The following ZCCHC2 variants were observed in gnomAD, a reference collection of about 807,000 sequenced individuals.
The protein encoded by ZCCHC2 is zinc finger CCHC-type containing 2, also known as zinc finger CCHC domain-containing protein 2.
Under a neutral mutation model 103.6 loss-of-function variants are expected in ZCCHC2, and 39 were observed. That is an observed-to-expected ratio of 0.38 (90% CI 0.29 to 0.49). The LOEUF is 0.49. Among genes scored for constraint, ZCCHC2 ranks in the 20% least tolerant of loss-of-function variants. The probability of loss-of-function intolerance (pLI) is 0.96; values close to 1 mark genes in which losing one functional copy is unlikely to be tolerated. For synonymous variants in ZCCHC2, 687 were observed against 608.9 expected, an observed-to-expected ratio of 1.13 and a Z score of -1.89; for missense variants, 1,483 against 1,491.0, an observed-to-expected ratio of 0.99 and a Z score of 0.09.
intron 8 of ZCCHC2, among the ~76,000 whole-genome samples, chr18:62,561,282 A>T (rs1916104576): frequency 6.6e-6 from 1 of 152,174 alleles, no homozygotes; most frequent in Non-Finnish European, 1.5e-5. Context: ...GTGGACTTCT[A>T]ATTGGGCAGT....
At position 62,574,588 on chromosome 18, in the gene ZCCHC2, C is replaced by T; in HGVS notation, c.2507C>T (p.Pro836Leu). 6.2e-7 allele frequency: 1 copy of T among 1,613,994 alleles called. No homozygotes were observed. Among genetic ancestry groups the T allele is most frequent in the Non-Finnish European group, 8.5e-7 (1 of 1,179,892 alleles). The change falls in exon 13 of 14, where the codon CCC becomes CTC. Residue 836 changes from proline (P) to leucine (L), a missense_variant. Around this residue, in one of 3 missense-constraint regions of ZCCHC2, gnomAD observed 884 missense variants for 907.5 expected, o/e 0.97. Transcript: ENST00000269499. Reference sequence around the variant, plus strand: ...ACAGTTAACATCCCACAACAACCACCCGGAAGCCTGAGCATCGCATCACCA... The same window carrying T: ...ACAGTTAACATCCCACAACAACCACTCGGAAGCCTGAGCATCGCATCACCA... ...SCTVNIPQQP[P>L]GSLSIASPNT... is the part of the protein sequence containing the mutation.
chr18:62,572,554 A>G (rs1439445187), intron 12 of ZCCHC2, among the ~76,000 whole-genome samples: 4 of 152,178 alleles, frequency 2.6e-5, no homozygotes, highest in Admixed American at 6.5e-5. Flanking sequence ...TTCTGAGTGG[A>G]TGAAAAGTCT....
At chr18:62,561,692 T>C (rs1245575130) in intron 8 of ZCCHC2, among the ~76,000 whole-genome samples, 1 of 152,228 alleles carries the variant, frequency 6.6e-6, no homozygotes, top group Non-Finnish European at 1.5e-5. Context: ...GACTCTGATT[T>C]TGAGAGGAAC....
At chr18:62,562,634 T>C (rs555375466) in intron 8 of ZCCHC2, among the ~76,000 whole-genome samples, 2 of 152,340 alleles carry the variant, frequency 1.3e-5, no homozygotes, top group African/African-American at 4.8e-5. Flanking sequence ...TCTGTTTCTT[T>C]TGGTTTTTGA....
chr18:62,585,063 C>G (rs73963461), exon 15 of ZCCHC2: 26,122 of 152,260 alleles, frequency 0.17, 3,546 homozygotes, highest in African/African-American at 0.38. Context: ...CACATCCTAT[C>G]CCATAGCGAG....
chr18:62,550,464 A>T lies in ZCCHC2; in HGVS notation c.1313+4A>T. 2.5e-6 allele frequency: 4 copies of T among 1,609,006 alleles called. No individual in the cohort carries two copies. The highest frequency in any genetic ancestry group is 3.4e-6 in the Non-Finnish European group (4 of 1,176,528). On this transcript the variant is annotated splice_donor_region_variant and intron_variant, in intron 5 of 13. Coordinates refer to ENST00000269499, the MANE Select transcript of ZCCHC2 (RefSeq NM_017742.6). ...CTGACCTAGAGCCCATCCTAAGGTA[A>T]TGATTTACCTGACGCCTATCATAGC... is the stretch of plus-strand genomic sequence containing the variant.
intron 4 of ZCCHC2, among the ~76,000 whole-genome samples, chr18:62,546,911 TCAGTTACA>T (rs1292318370): frequency 1.3e-5 from 2 of 152,264 alleles, no homozygotes; most frequent in Admixed American, 1.3e-4. Flanking sequence ...TAAATGCCTC[TCAGTTACA>T]TGAAATAATC....
chr18:62,523,582 C>G lies in ZCCHC2; in HGVS notation c.158C>G (p.Pro53Arg). 1.0e-6 allele frequency: 1 copy of G among 967,598 alleles called. No individual in the cohort carries two copies. Among genetic ancestry groups the G allele is most frequent in the Non-Finnish European group, 1.2e-6 (1 of 817,348 alleles). The allele number at this position is 967,598 out of a possible 1,614,324, so 59.9% of individuals were successfully genotyped here. A position where few individuals can be genotyped will look rare whatever the true frequency, so the allele number is the denominator to read the frequency against. ...CCGCCGCCGCCGCCGCCCGCGGGCC[C>G]GTCGCGGGGCCCTCTGCCGCCGCCG... Reference protein sequence around the residue: ...PPPPPPPPAGPSRGPLPPPPP... With the variant: ...PPPPPPPPAGRSRGPLPPPPP... The change falls in exon 1 of 14, where the codon CCG becomes CGG. Residue 53 changes from proline (P) to arginine (R), a missense_variant. Transcript: ENST00000269499.
chr18:62,553,006 T>A (rs1160772549), intron 5 of ZCCHC2, among the ~76,000 whole-genome samples: 1 of 152,152 alleles, frequency 6.6e-6, no homozygotes, highest in African/African-American at 2.4e-5. Flanking sequence ...ATTTTAGGTG[T>A]TTTTACTGTA....
intron 5 of ZCCHC2, chr18:62,552,611 G>GT (rs1345473469): frequency 2.0e-5 from 3 of 152,138 alleles, no homozygotes; most frequent in Non-Finnish European, 4.4e-5. Context: ...CAATTAAAAA[G>GT]TAAGTGGCTG....
In ZCCHC2 at chr18:62,523,505, G is replaced by C. The variant is rs1188717061; in HGVS notation, c.81G>C (p.Ala27=). 4.1e-6 allele frequency: 4 copies of C among 983,464 alleles called. No homozygotes were observed. Among genetic ancestry groups the C allele is most frequent in the Non-Finnish European group, 4.8e-6 (4 of 829,046 alleles). 60.9% of individuals were successfully genotyped at this position (983,464 alleles called of 1,614,324 possible). A position where few individuals can be genotyped will look rare whatever the true frequency, so the allele number is the denominator to read the frequency against. The change falls in exon 1 of 14, where the codon GCG becomes GCC. Residue 27 remains alanine, a synonymous_variant. Transcript: ENST00000269499. ...PPEAEEPEAD[A]RPGAKAPSRR... ...AGGCGGAGGAGCCCGAGGCGGACGC[G>C]CGGCCGGGCGCGAAGGCGCCTTCGC...
chr18:62,571,449 TGAA>T (rs1916597681), intron 12 of ZCCHC2, among the ~76,000 whole-genome samples: 1 of 152,240 alleles, frequency 6.6e-6, no homozygotes, highest in Non-Finnish European at 1.5e-5. Flanking sequence ...CTGTTTTTCT[TGAA>T]TAAACACTCG....
chr18:62,578,703 C>T (rs1916954894), downstream of ZCCHC2: 1 of 152,150 alleles, frequency 6.6e-6, no homozygotes, highest in Admixed American at 6.5e-5. Flanking sequence ...ATCCATTTCC[C>T]TGCAGGGTGG....
intron 11 of ZCCHC2, among the ~76,000 whole-genome samples, chr18:62,565,902 T>A (rs1227295353): frequency 6.6e-6 from 1 of 152,188 alleles, no homozygotes; most frequent in Non-Finnish European, 1.5e-5. Flanking sequence ...GATATTTGTA[T>A]AGAAAGACTG....
chr18:62,572,064 G>T (rs1362237260), intron 12 of ZCCHC2, among the ~76,000 whole-genome samples: 1 of 152,152 alleles, frequency 6.6e-6, no homozygotes, highest in African/African-American at 2.4e-5. Flanking sequence ...AAACTTAAAT[G>T]AGAGGATTTT....
chr18:62,524,430 C>T (rs2145479400), intron 1 of ZCCHC2, 67 bp downstream of exon 1: 1 of 1,425,094 alleles, frequency 7.0e-7, no homozygotes, highest in Non-Finnish European at 9.1e-7. Flanking sequence ...CCCGGCCTCG[C>T]TCTCGGACGC....
chr18:62,584,544 T>G (rs1917123338), exon 15 of ZCCHC2: 1 of 152,136 alleles, frequency 6.6e-6, no homozygotes, highest in Non-Finnish European at 1.5e-5. Context: ...ACGAGGACAG[T>G]GCGAGCAAGC....
intron 2 of ZCCHC2, among the ~76,000 whole-genome samples, chr18:62,541,187 G>A (rs1915157886): frequency 6.6e-6 from 1 of 152,216 alleles, no homozygotes; most frequent in African/African-American, 2.4e-5. Flanking sequence ...GTTCTAAGGA[G>A]TTACAGGCTT....
rs892395467 is a variant in ZCCHC2 at position 62,577,008 on chromosome 18, C to T, written c.*429C>T. On this transcript the variant is annotated 3_prime_UTR_variant, in exon 14 of 14. Transcript: ENST00000269499. ...CAGCTTTTCTCACTTTCACCCTAAA[C>T]GACACTTCCTCCCCAGCCAGCCTCA... The T allele has an allele frequency of 3.8e-5, 6 of 157,216 alleles. No individual in the cohort carries two copies. The highest frequency in any genetic ancestry group is 8.5e-5 in the Non-Finnish European group (6 of 70,956). 9.7% of individuals were successfully genotyped at this position (157,216 alleles called of 1,614,324 possible).
Sources: gnomAD v4.1 joint callset for allele counts (sites outside exome capture counted in the v4.1 genomes callset) on GRCh38, gnomAD v4.1.1 for gene constraint, gnomAD v4.1.1 regional missense constraint, MANE v1.5 for transcripts, NCBI Gene and HGNC (gene_info 2026-07-23, HGNC 2026-07-21) for gene names.